The following RIMS2 variants were observed in gnomAD, a reference collection of about 807,000 sequenced individuals.
RIMS2 encodes regulating synaptic membrane exocytosis 2, also known as regulating synaptic membrane exocytosis protein 2.
A neutral mutation model predicts 174.4 loss-of-function variants in RIMS2; 59 were observed. The ratio of observed to expected loss-of-function variants is 0.34; its 90% CI spans 0.27 to 0.42. The LOEUF (loss-of-function observed/expected upper bound fraction) is 0.42. Ranked by LOEUF, RIMS2 falls within the 10% of genes least tolerant of loss-of-function variation. The probability of loss-of-function intolerance (pLI) is 1.00; values close to 1 mark genes in which losing one functional copy is unlikely to be tolerated. For synonymous variants in RIMS2, 606 were observed against 572.5 expected, an observed-to-expected ratio of 1.06 and a Z score of -0.84; for missense variants, 1,620 against 1,666.3, an observed-to-expected ratio of 0.97 and a Z score of 0.48.
intron 19 of RIMS2, among the ~76,000 whole-genome samples, chr8:104,242,340 G>A (rs942687523): frequency 2.6e-5 from 4 of 151,928 alleles, no homozygotes; most frequent in Admixed American, 6.6e-5. Context: ...TTTATAATAC[G>A]TGTCATTATG....
chr8:104,202,163 A>AT (rs1411018813), intron 19 of RIMS2, among the ~76,000 whole-genome samples: 1 of 152,170 alleles, frequency 6.6e-6, no homozygotes, highest in Non-Finnish European at 1.5e-5. Flanking sequence ...TTTTTAAGAG[A>AT]TTATATAAAT....
chr8:103,750,406 G>T (rs2097872267), intron 2 of RIMS2, among the ~76,000 whole-genome samples: 1 of 152,086 alleles, frequency 6.6e-6, no homozygotes, highest in Non-Finnish European at 1.5e-5. Context: ...CAGTTATGAT[G>T]CTTAAATTAC....
chr8:103,897,050 T>C (rs978241147), intron 4 of RIMS2, among the ~76,000 whole-genome samples: 1 of 151,738 alleles, frequency 6.6e-6, no homozygotes, highest in Admixed American at 6.6e-5. Context: ...CTTTAAAGCA[T>C]GATACATACA....
chr8:104,081,198 C>T (rs923064128), intron 19 of RIMS2, among the ~76,000 whole-genome samples: 1 of 151,938 alleles, frequency 6.6e-6, no homozygotes, highest in African/African-American at 2.4e-5. Context: ...ACAAGGCCAA[C>T]AGTCTCCAGG....
chr8:104,111,263 ATAT>A (rs1250954098), intron 19 of RIMS2, among the ~76,000 whole-genome samples: 1 of 152,204 alleles, frequency 6.6e-6, no homozygotes, highest in East Asian at 1.9e-4. Flanking sequence ...AGTTCAATAA[ATAT>A]TATGAGAATT....
chr8:104,029,544 A>G (rs777769432), intron 19 of RIMS2, among the ~76,000 whole-genome samples: 4 of 152,118 alleles, frequency 2.6e-5, no homozygotes, highest in Non-Finnish European at 5.9e-5. Context: ...ATATTCATAA[A>G]TTTATGGTTA....
At chr8:103,907,261 A>G (rs1428804897) in intron 4 of RIMS2, among the ~76,000 whole-genome samples, 1 of 152,178 alleles carries the variant, frequency 6.6e-6, no homozygotes, top group South Asian at 2.1e-4. Flanking sequence ...CAATTTGAGA[A>G]CCATTCATTT....
At chr8:104,119,192 A>C (rs116941661) in intron 19 of RIMS2, among the ~76,000 whole-genome samples, 5,686 of 151,650 alleles carry the variant, frequency 0.037, 137 homozygotes, top group Non-Finnish European at 0.053. Context: ...TTAAAAACAA[A>C]AAAAAAAAAA....
intron 1 of RIMS2, among the ~76,000 whole-genome samples, chr8:103,615,754 A>G (rs1056408723): frequency 2.0e-5 from 3 of 152,208 alleles, no homozygotes; most frequent in African/African-American, 7.2e-5. Context: ...CTCTATGCAC[A>G]CGAACTAGAA....
chr8:103,728,313 A>G (rs1591210640), intron 2 of RIMS2, among the ~76,000 whole-genome samples: 1 of 152,086 alleles, frequency 6.6e-6, no homozygotes, highest in African/African-American at 2.4e-5. Flanking sequence ...TGAATTTATC[A>G]GTTTGAATAG....
intron 3 of RIMS2, among the ~76,000 whole-genome samples, chr8:103,799,877 T>C (rs1357196963): frequency 6.6e-6 from 1 of 152,220 alleles, no homozygotes; most frequent in East Asian, 1.9e-4. Flanking sequence ...ATTTATAGTT[T>C]GTGCTCTTTT....
chr8:104,047,711 T>C (rs10100370), intron 19 of RIMS2, among the ~76,000 whole-genome samples: 57,920 of 151,956 alleles, frequency 0.38, 11,302 homozygotes, highest in Non-Finnish European at 0.42. Context: ...GCATTATTTC[T>C]ATGATCTAGA....
intron 1 of RIMS2, among the ~76,000 whole-genome samples, chr8:103,519,175 T>C (rs1324455416): frequency 6.6e-6 from 1 of 152,124 alleles, no homozygotes; most frequent in African/African-American, 2.4e-5. Context: ...AACAATTCAG[T>C]GAATTTATAT....
chr8:103,626,256 A>G (rs1406183775), intron 1 of RIMS2, among the ~76,000 whole-genome samples: 1 of 152,152 alleles, frequency 6.6e-6, no homozygotes, highest in Non-Finnish European at 1.5e-5. Context: ...GAAGATATTC[A>G]ATTCTTAATA....
intron 1 of RIMS2, among the ~76,000 whole-genome samples, chr8:103,545,810 C>T (rs1405169699): frequency 2.7e-5 from 4 of 147,152 alleles, no homozygotes; most frequent in Non-Finnish European, 4.5e-5. Context: ...AAGATCGATC[C>T]TTTTTTAACA....
chr8:103,647,374 G>A (rs1446457207), intron 1 of RIMS2, among the ~76,000 whole-genome samples: 1 of 152,002 alleles, frequency 6.6e-6, no homozygotes, highest in Non-Finnish European at 1.5e-5. Context: ...AAGGACATTG[G>A]CCTGAGGTTT....
chr8:103,560,304 G>C (rs2091377415), intron 1 of RIMS2, among the ~76,000 whole-genome samples: 2 of 152,116 alleles, frequency 1.3e-5, no homozygotes, highest in African/African-American at 4.8e-5. Context: ...CTGAACCTGG[G>C]AGGTGGAGGT....
chr8:104,038,810 GT>G (rs2096561628), intron 19 of RIMS2, among the ~76,000 whole-genome samples: 1 of 151,582 alleles, frequency 6.6e-6, no homozygotes, highest in African/African-American at 2.4e-5. Flanking sequence ...AACCAAAAAT[GT>G]TTTAAATATA....
At chr8:103,622,530 C>T (rs1055709547) in intron 1 of RIMS2, among the ~76,000 whole-genome samples, 1 of 151,682 alleles carries the variant, frequency 6.6e-6, no homozygotes, top group African/African-American at 2.4e-5. Context: ...TTTAAGATGC[C>T]ATCTGGTTTA....
Sources: gnomAD v4.1 joint callset for allele counts (sites outside exome capture counted in the v4.1 genomes callset) on GRCh38, gnomAD v4.1.1 for gene constraint, MANE v1.5 for transcripts, NCBI Gene and HGNC (gene_info 2026-07-23, HGNC 2026-07-21) for gene names.